Variants in LARP1B observed in about 807,000 individuals in gnomAD.
The protein encoded by LARP1B is la-related protein 1B.
LARP1B carries 76 observed loss-of-function variants against 114.2 expected under a neutral mutation model. The ratio of observed to expected loss-of-function variants is 0.67; its 90% CI spans 0.55 to 0.81. The LOEUF is 0.81. Among genes scored for constraint, LARP1B ranks in the 30% least tolerant of loss-of-function variants. The pLI, the probability that LARP1B is intolerant of heterozygous loss-of-function variation, is 0.00. For synonymous variants in LARP1B, 345 were observed against 348.0 expected (o/e 0.99, Z 0.10); for missense variants, 1,014 against 1,075.8 (o/e 0.94, Z 0.80).
chr4:128,123,467 T>G (rs767116970), intron 11 of LARP1B: 94 of 804,414 alleles, frequency 1.2e-4, no homozygotes, highest in Non-Finnish European at 1.3e-4. Flanking sequence ...TCCCCCATTC[T>G]CTATCCCTTT....
At chr4:128,205,337 A>G (rs764784744) in intron 17 of LARP1B, among the ~76,000 whole-genome samples, 1 of 152,130 alleles carries the variant, frequency 6.6e-6, no homozygotes, top group Non-Finnish European at 1.5e-5. Flanking sequence ...CTAACTTAGG[A>G]GTGTTTTAAT....
intron 11 of LARP1B, among the ~76,000 whole-genome samples, chr4:128,156,687 C>T (rs1294582443): frequency 6.6e-6 from 1 of 151,992 alleles, no homozygotes; most frequent in Non-Finnish European, 1.5e-5. Context: ...CCTCCTGAAC[C>T]GCACAGCTTG....
chr4:128,179,907 AT>A (rs1561510025), intron 15 of LARP1B, among the ~76,000 whole-genome samples: 12 of 152,254 alleles, frequency 7.9e-5, no homozygotes, highest in African/African-American at 2.9e-4. Flanking sequence ...AAGCATTGTT[AT>A]TTTGCTTTTT....
intron 11 of LARP1B, chr4:128,122,834 A>G (rs1788438903): frequency 9.5e-7 from 1 of 1,056,818 alleles, no homozygotes; most frequent in South Asian, 4.5e-5. Flanking sequence ...TTATTAAGGT[A>G]AAATAGAGAA....
chr4:128,210,246 A>C lies in LARP1B; in HGVS notation c.*193A>C. The C allele has an allele frequency of 1.4e-6, 2 of 1,402,370 alleles. No homozygotes were observed. Among genetic ancestry groups the C allele is most frequent in the South Asian group, 1.7e-5 (1 of 59,446 alleles). 86.9% of individuals were successfully genotyped at this position (1,402,370 alleles called of 1,614,324 possible). A position where few individuals can be genotyped will look rare whatever the true frequency, so the allele number is the denominator to read the frequency against. ...TGGTAGCATTTTTTCTAACAAGATA[A>C]ATTCTAAAAATGTTTTCCCTGATTT... On this transcript the variant is annotated 3_prime_UTR_variant, in exon 20 of 20. Coordinates refer to ENST00000326639, the MANE Select transcript of LARP1B (RefSeq NM_018078.4).
At chr4:128,156,507 C>T (rs1735732642) in intron 11 of LARP1B, among the ~76,000 whole-genome samples, 1 of 152,134 alleles carries the variant, frequency 6.6e-6, no homozygotes. Context: ...CTTAGAGGTC[C>T]TCTGGAGCCC....
chr4:128,144,886 C>T (rs1729641651), intron 11 of LARP1B, among the ~76,000 whole-genome samples: 1 of 152,040 alleles, frequency 6.6e-6, no homozygotes, highest in Admixed American at 6.5e-5. Flanking sequence ...CTTTGAAGTC[C>T]TTGTCTTAAA....
At chr4:128,157,091 G>A (rs996526928) in intron 11 of LARP1B, among the ~76,000 whole-genome samples, 1 of 151,992 alleles carries the variant, frequency 6.6e-6, no homozygotes, top group East Asian at 1.9e-4. Flanking sequence ...CAGACCCCTA[G>A]TGATCCAGAA....
At chr4:128,221,706 C>T (rs1760052041) in intron 7 of LARP1B, among the ~76,000 whole-genome samples, 1 of 152,114 alleles carries the variant, frequency 6.6e-6, no homozygotes. Context: ...AGTTGAATGC[C>T]TTTAAGTATA....
At chr4:128,199,214 A>G (rs189783675) in intron 15 of LARP1B, among the ~76,000 whole-genome samples, 2 of 152,338 alleles carry the variant, frequency 1.3e-5, no homozygotes, top group African/African-American at 4.8e-5. Context: ...TGTTAGCTTG[A>G]GAGTTTATGA....
At chr4:128,183,304 G>T (rs185432942) in intron 15 of LARP1B, among the ~76,000 whole-genome samples, 2 of 152,306 alleles carry the variant, frequency 1.3e-5, no homozygotes, top group East Asian at 3.9e-4. Context: ...AAGGGATGGG[G>T]CTGACTCTCT....
chr4:128,203,058 C>T (rs938596486), intron 17 of LARP1B, among the ~76,000 whole-genome samples: 20 of 152,124 alleles, frequency 1.3e-4, no homozygotes, highest in Non-Finnish European at 2.6e-4. Context: ...ATTAGCTTGG[C>T]GTGGTGGCCT....
chr4:128,125,721 T>C lies in LARP1B; in HGVS notation c.1524+3533T>C, dbSNP rs950176231. ...AGATCACGTCAATGCATTCCAGCCTTGTGACAGAACAAGACTCTAACTCAA... is the reference window on the plus strand; with the variant it reads ...AGATCACGTCAATGCATTCCAGCCTCGTGACAGAACAAGACTCTAACTCAA... On this transcript the variant is annotated intron_variant, in intron 11 of 19. Transcript: ENST00000326639. Among the ~76,000 whole-genome samples the C allele has an allele frequency of 1.5e-4, 23 of 152,200 alleles. No individual in the cohort carries two copies. In the East Asian group the frequency reaches 1.7e-3, roughly 12 times the overall value.
intron 4 of LARP1B, among the ~76,000 whole-genome samples, chr4:128,081,148 G>A (rs528146127): frequency 4.0e-5 from 6 of 148,686 alleles, no homozygotes; most frequent in Admixed American, 2.0e-4. Flanking sequence ...GCACGATCTC[G>A]GCTCACTGCA....
chr4:128,174,736 G>A (rs936161265), intron 12 of LARP1B, among the ~76,000 whole-genome samples: 3 of 151,844 alleles, frequency 2.0e-5, no homozygotes, highest in Admixed American at 6.6e-5. Context: ...TCTATTCCTG[G>A]TGTTCTATAT....
Position 128,082,281 on chromosome 4 carries a change from A to G in LARP1B, c.334A>G (p.Asn112Asp), listed in dbSNP as rs565016526. The G allele has an allele frequency of 1.9e-6, 3 of 1,614,006 alleles. No homozygotes were observed. The highest frequency in any genetic ancestry group is 2.7e-5 in the African/African-American group (2 of 75,074). The change falls in exon 5 of 20, where the codon AAC becomes GAC. Residue 112 changes from asparagine (N) to aspartate (D), a missense_variant. Physicochemically the swap from Asn to Asp is conservative, Grantham distance 23. Transcript: ENST00000326639. ...CQPEANKPTH[N>D]NRRNDTRSWK... ...ACCTGAAGCAAATAAACCAACACAT[A>G]ACAATAGGAGAAATGATACACGAAG... is the stretch of plus-strand genomic sequence containing the variant.
intron 8 of LARP1B, among the ~76,000 whole-genome samples, chr4:128,103,011 C>G (rs1561221268): frequency 6.6e-6 from 1 of 152,146 alleles, no homozygotes; most frequent in Non-Finnish European, 1.5e-5. Flanking sequence ...AATGCAACAT[C>G]TATGTATTCC....
intron 11 of LARP1B, among the ~76,000 whole-genome samples, chr4:128,150,890 A>G (rs939864718): frequency 2.6e-5 from 4 of 152,218 alleles, no homozygotes; most frequent in African/African-American, 9.7e-5. Flanking sequence ...CTGAAGGGAA[A>G]TCCTTGTTGC....
chr4:128,090,038 G>T (rs1167496166), intron 5 of LARP1B, among the ~76,000 whole-genome samples: 2 of 149,036 alleles, frequency 1.3e-5, no homozygotes, highest in Non-Finnish European at 3.0e-5. Context: ...CTACCAAAGT[G>T]CTGGTATTAC....
Sources: allele counts gnomAD v4.1 joint callset (sites outside exome capture counted in the v4.1 genomes callset), GRCh38; gene constraint gnomAD v4.1.1; transcripts MANE v1.5; gene names NCBI Gene and HGNC (gene_info 2026-07-23, HGNC 2026-07-21).